The following NRAP variants were observed in gnomAD, a reference collection of about 807,000 sequenced individuals.
NRAP encodes nebulin related anchoring protein.
NRAP carries 189 observed loss-of-function variants against 225.9 expected under a neutral mutation model. The ratio of observed to expected loss-of-function variants is 0.84; its 90% CI spans 0.74 to 0.94. The LOEUF (loss-of-function observed/expected upper bound fraction) is 0.94, where lower values mean the gene tolerates loss of function less well. NRAP is among the 40% of genes least tolerant of loss of function. The probability of loss-of-function intolerance (pLI) is 0.00; values close to 1 mark genes in which losing one functional copy is unlikely to be tolerated. For synonymous variants in NRAP, 769 were observed against 790.7 expected (o/e 0.97, Z 0.46); for missense variants, 2,176 against 2,168.7 (o/e 1.00, Z -0.07).
chr10:113,658,896 A>AAAAG (rs1554872138), intron 3 of NRAP, among the ~76,000 whole-genome samples: 48 of 151,344 alleles, frequency 3.2e-4, no homozygotes, highest in Non-Finnish European at 5.6e-4. Flanking sequence ...AAAAAAAAAA[A>AAAAG]AAAGAAAGAA....
chr10:113,653,449 T>C (rs1850112948), intron 5 of NRAP, among the ~76,000 whole-genome samples: 1 of 152,234 alleles, frequency 6.6e-6, no homozygotes, highest in Non-Finnish European at 1.5e-5. Flanking sequence ...TCTCTGATGA[T>C]TAGTTTTCCT....
At chr10:113,599,560 G>A (rs1038601705) in intron 35 of NRAP, among the ~76,000 whole-genome samples, 1 of 152,120 alleles carries the variant, frequency 6.6e-6, no homozygotes, top group African/African-American at 2.4e-5. Flanking sequence ...TGAACAGTAC[G>A]ATCCCAGGTA....
chr10:113,629,835 T>C (rs752656282), intron 18 of NRAP, 50 bp from the exon 19 acceptor site: 7 of 1,275,228 alleles, frequency 5.5e-6, no homozygotes, highest in Non-Finnish European at 6.9e-6. Flanking sequence ...GCCCACCCTT[T>C]GCAGGAGTGA....
chr10:113,644,786 G>T (rs375371631), intron 11 of NRAP, among the ~76,000 whole-genome samples: 4 of 152,124 alleles, frequency 2.6e-5, no homozygotes, highest in African/African-American at 9.7e-5. Context: ...GGTTAGAGAC[G>T]GAAAATATTT....
At position 113,654,903 on chromosome 10, in the gene NRAP, T is replaced by C. The variant is rs576244849; in HGVS notation, c.361-778A>G. Among the ~76,000 whole-genome samples the C allele has an allele frequency of 3.3e-5, 5 of 151,488 alleles. No individual in the cohort carries two copies. In the South Asian group the frequency reaches 8.3e-4, roughly 25 times the overall value. On this transcript the variant is annotated intron_variant, in intron 4 of 41. Transcript: ENST00000359988. ...TTATTTGTTGAATAAATTCCAGGAATGTAGGCTGCCATGAATAAAAGCATG... is the reference window on the plus strand; with the variant it reads ...TTATTTGTTGAATAAATTCCAGGAACGTAGGCTGCCATGAATAAAAGCATG...
intron 14 of NRAP, among the ~76,000 whole-genome samples, chr10:113,636,183 A>G (rs908300323): frequency 4.6e-5 from 7 of 152,206 alleles, no homozygotes; most frequent in African/African-American, 1.4e-4. Flanking sequence ...GTTTTGCCTA[A>G]GAACAACACC....
At chr10:113,597,494 A>C (rs1846351093) in intron 36 of NRAP, among the ~76,000 whole-genome samples, 1 of 152,294 alleles carries the variant, frequency 6.6e-6, no homozygotes, top group African/African-American at 2.4e-5. Flanking sequence ...ATCCTGTCCA[A>C]ATACATTCTG....
chr10:113,636,370 G>C (rs1047276585), intron 14 of NRAP, among the ~76,000 whole-genome samples: 1 of 152,148 alleles, frequency 6.6e-6, no homozygotes, highest in Non-Finnish European at 1.5e-5. Flanking sequence ...TTGCTCTTCT[G>C]TCTTCCTCCT....
intron 39 of NRAP, 37 bp from the exon 40 acceptor site, chr10:113,590,926 C>T (rs1367796177): frequency 6.3e-7 from 1 of 1,588,672 alleles, no homozygotes; most frequent in Admixed American, 1.7e-5. Context: ...TCATGGGTGC[C>T]TACCTCCCCC....
chr10:113,624,254 A>G (rs1385272411), intron 22 of NRAP, among the ~76,000 whole-genome samples: 1 of 152,206 alleles, frequency 6.6e-6, no homozygotes, highest in African/African-American at 2.4e-5. Flanking sequence ...GAGAGCCAAG[A>G]AAACACTTTC....
At chr10:113,611,242 A>G (rs956869326) in intron 30 of NRAP, among the ~76,000 whole-genome samples, 2 of 152,056 alleles carry the variant, frequency 1.3e-5, no homozygotes, top group African/African-American at 4.8e-5. Flanking sequence ...TCGTTCCTAC[A>G]GCTGCTCTCA....
intron 35 of NRAP, among the ~76,000 whole-genome samples, chr10:113,600,514 G>C (rs894928240): frequency 7.9e-5 from 12 of 152,052 alleles, no homozygotes; most frequent in Admixed American, 1.3e-4. Context: ...GAACAATTTT[G>C]GTTTTCAAAT....
intron 29 of NRAP, 136 bp downstream of exon 29, chr10:113,614,047 A>G (rs180841040): frequency 1.1e-4 from 74 of 674,026 alleles, no homozygotes; most frequent in Admixed American, 2.8e-4. Flanking sequence ...GGGACAAGTG[A>G]TTTAACAATG....
chr10:113,639,764 C>T (rs553804539), intron 14 of NRAP, among the ~76,000 whole-genome samples: 6 of 152,180 alleles, frequency 3.9e-5, no homozygotes, highest in Non-Finnish European at 7.3e-5. Context: ...TTAAGGGATA[C>T]ATATACTTTT....
chr10:113,644,169 A>AAAAAAAAAT (rs1849369013), intron 11 of NRAP, among the ~76,000 whole-genome samples: 5 of 148,496 alleles, frequency 3.4e-5, no homozygotes. Flanking sequence ...AAAAAAAAAA[A>AAAAAAAAAT]GGCCAAAATG....
chr10:113,621,492 A>T (rs1158943709), intron 24 of NRAP, among the ~76,000 whole-genome samples: 1 of 152,176 alleles, frequency 6.6e-6, no homozygotes, highest in Non-Finnish European at 1.5e-5. Flanking sequence ...CAACCCACCC[A>T]TTCCAAAAAT....
rs892995991 is a variant in NRAP, at chr10:113,622,843, A to G, written c.2458-663T>C. On this transcript the variant is annotated intron_variant, in intron 23 of 41. Coordinates refer to ENST00000359988, the MANE Select transcript of NRAP (RefSeq NM_198060.4). Reference sequence around the variant, plus strand: ...TTGTAAAATGTTACCAACTAAGAACAAGATAAAGAGCTTATGTCAGAATGT... The same window carrying G: ...TTGTAAAATGTTACCAACTAAGAACGAGATAAAGAGCTTATGTCAGAATGT... Among the ~76,000 whole-genome samples, 3 of 152,224 alleles carry G rather than the reference A, an allele frequency of 2.0e-5. No homozygotes were observed. The East Asian group carries it at 5.8e-4, about 29-fold the overall frequency.
At chr10:113,655,019 G>A (rs1003844686) in intron 4 of NRAP, among the ~76,000 whole-genome samples, 1 of 152,312 alleles carries the variant, frequency 6.6e-6, no homozygotes, top group South Asian at 2.1e-4. Context: ...TGGGCTGGAG[G>A]GGGGCAAGTT....
chr10:113,633,119 C>A lies in NRAP; in HGVS notation c.1597G>T (p.Val533Leu), dbSNP rs538278632. 3 of 1,608,782 alleles carry A rather than the reference C, an allele frequency of 1.9e-6. No individual in the cohort carries two copies. Among genetic ancestry groups the A allele is most frequent in the South Asian group, 1.1e-5 (1 of 90,992 alleles). Residue 533 changes from valine (V) to leucine (L), a missense_variant, in exon 16 of 42, where the codon GTG becomes TTG. Physicochemically the swap from Val to Leu is conservative, Grantham distance 32 (BLOSUM62 1). Around this residue, in one of 3 missense-constraint regions of NRAP, gnomAD observed 1,708 missense variants for 1,695.5 expected, o/e 1.01. Transcript: ENST00000359988. ...AGTTTGGCATTGGTTTTGGCCTTCA[C>A]CAGCTGAGGAACATCCTGGGGCAAT... ...YTLPQDVPQL[V>L]KAKTNAKLFS...
Sources: gnomAD v4.1 joint callset for allele counts (sites outside exome capture counted in the v4.1 genomes callset) on GRCh38, gnomAD v4.1.1 for gene constraint, gnomAD v4.1.1 regional missense constraint, MANE v1.5 for transcripts, NCBI Gene and HGNC (gene_info 2026-07-23, HGNC 2026-07-21) for gene names.